Variants in SFMBT1 observed in about 807,000 individuals in gnomAD.
SFMBT1 encodes the protein scm-like with four MBT domains protein 1.
SFMBT1 carries 32 observed loss-of-function variants against 108.7 expected under a neutral mutation model. That is an observed-to-expected ratio of 0.29 (90% CI 0.22 to 0.40). The LOEUF (loss-of-function observed/expected upper bound fraction) is 0.40. Ranked by LOEUF, SFMBT1 falls within the 10% of genes least tolerant of loss-of-function variation. The probability of loss-of-function intolerance (pLI) is 1.00; values close to 1 mark genes in which losing one functional copy is unlikely to be tolerated. For missense variants in SFMBT1, 816 were observed against 1,059.6 expected, an observed-to-expected ratio of 0.77 and a Z score of 3.19; for synonymous variants, 348 against 369.5, an observed-to-expected ratio of 0.94 and a Z score of 0.67.
At chr3:52,938,127 C>A (rs772806918) in intron 4 of SFMBT1, among the ~76,000 whole-genome samples, 18 of 152,196 alleles carry the variant, frequency 1.2e-4, no homozygotes, top group Non-Finnish European at 2.4e-4. Flanking sequence ...TTTCTACTGG[C>A]AGTTGCCTGT....
chr3:52,911,754 G>A (rs1027666434), intron 16 of SFMBT1, among the ~76,000 whole-genome samples: 3 of 152,056 alleles, frequency 2.0e-5, no homozygotes, highest in South Asian at 2.1e-4. Context: ...TGGATGAAGT[G>A]CAGTGGCATG....
intron 3 of SFMBT1, 63 bp from the exon 4 acceptor site, chr3:52,943,656 T>C: frequency 6.2e-7 from 1 of 1,606,222 alleles, no homozygotes; most frequent in Admixed American, 1.7e-5. Flanking sequence ...CTTTGACCAA[T>C]GTTCTTTTTT....
At chr3:52,930,280 C>G (rs1369539094) in intron 8 of SFMBT1, 49 bp downstream of exon 8, 1 of 1,170,512 alleles carries the variant, frequency 8.5e-7, no homozygotes, top group Non-Finnish European at 1.3e-6. Flanking sequence ...ATTTCCTAAA[C>G]CAGTCACCTT....
rs980366116 is a variant in SFMBT1 at position 52,903,898 on chromosome 3, G to A, written c.*1238C>T. ...AAAGAATACTGAGTTGTTTAAATGG[G>A]AATCCTCGGACTAAAGATTATATTC... On this transcript the variant is annotated 3_prime_UTR_variant, in exon 21 of 21. Coordinates refer to ENST00000394752, the MANE Select transcript of SFMBT1 (RefSeq NM_016329.4). The A allele has an allele frequency of 4.6e-5, 7 of 152,192 alleles. No homozygotes were observed. The highest frequency in any genetic ancestry group is 1.0e-4 in the Non-Finnish European group (7 of 68,032). 9.4% of individuals were successfully genotyped at this position (152,192 alleles called of 1,614,324 possible). A position where few individuals can be genotyped will look rare whatever the true frequency, so the allele number is the denominator to read the frequency against.
At chr3:52,997,830 A>AGT (rs1698391877) in intron 1 of SFMBT1, among the ~76,000 whole-genome samples, 1 of 150,610 alleles carries the variant, frequency 6.6e-6, no homozygotes, top group African/African-American at 2.4e-5. Flanking sequence ...TACAATTACT[A>AGT]AAATTCATCA....
At chr3:53,032,490 A>C (rs1699720672) in intron 1 of SFMBT1, among the ~76,000 whole-genome samples, 1 of 152,240 alleles carries the variant, frequency 6.6e-6, no homozygotes, top group Admixed American at 6.5e-5. Context: ...TGTAGGCCAC[A>C]CAAGAAGTTT....
intron 1 of SFMBT1, among the ~76,000 whole-genome samples, chr3:52,995,052 G>A (rs1698274029): frequency 6.8e-6 from 1 of 146,752 alleles, no homozygotes. Context: ...AAAAGGAAAA[G>A]GAAAGAAAAG....
chr3:52,966,279 G>A (rs1346460492), intron 2 of SFMBT1, among the ~76,000 whole-genome samples: 3 of 140,764 alleles, frequency 2.1e-5, no homozygotes, highest in Non-Finnish European at 4.6e-5. Context: ...CCGAGATGGC[G>A]CCACTGCACT....
chr3:52,947,660 G>A (rs1703417797), intron 3 of SFMBT1, among the ~76,000 whole-genome samples: 1 of 151,722 alleles, frequency 6.6e-6, no homozygotes, highest in Admixed American at 6.6e-5. Flanking sequence ...TTGATAAACA[G>A]AAGTTCTTAA....
At chr3:52,967,938 T>C (rs1704201907) in intron 2 of SFMBT1, among the ~76,000 whole-genome samples, 1 of 152,260 alleles carries the variant, frequency 6.6e-6, no homozygotes, top group South Asian at 2.1e-4. Context: ...AAATATGATC[T>C]AGTGATTGTG....
At chr3:52,988,295 T>A (rs149074757) in intron 1 of SFMBT1, among the ~76,000 whole-genome samples, 1 of 152,238 alleles carries the variant, frequency 6.6e-6, no homozygotes, top group African/African-American at 2.4e-5. Context: ...ATTAATTCAC[T>A]GGAATTTTTT....
At chr3:53,010,555 C>T (rs1001216989) in intron 1 of SFMBT1, among the ~76,000 whole-genome samples, 14 of 152,140 alleles carry the variant, frequency 9.2e-5, no homozygotes, top group Non-Finnish European at 1.8e-4. Flanking sequence ...ACACAATATA[C>T]ATGGGGAAAA....
chr3:52,920,386 A>C (rs1419415997), intron 12 of SFMBT1, 151 bp downstream of exon 12: 3 of 687,160 alleles, frequency 4.4e-6, no homozygotes, highest in African/African-American at 1.8e-5. Flanking sequence ...AAGGTATTAA[A>C]TATTTGTTAC....
intron 2 of SFMBT1, among the ~76,000 whole-genome samples, chr3:52,966,486 G>C (rs1461912166): frequency 6.6e-6 from 1 of 151,092 alleles, no homozygotes. Context: ...TTAGCCAAGC[G>C]TGGTGGTGGG....
chr3:52,964,773 C>T (rs1011962715), intron 2 of SFMBT1, among the ~76,000 whole-genome samples: 1 of 152,090 alleles, frequency 6.6e-6, no homozygotes, highest in African/African-American at 2.4e-5. Context: ...AGGTACATGA[C>T]GTCACATCAG....
rs57640588 is a variant in SFMBT1, at chr3:53,040,968, A to ATTTTTTTTTTTTTTTTTTTTTTTTTTTT, written c.-131+4820_-131+4847dup. Among the ~76,000 whole-genome samples the ATTTTTTTTTTTTTTTTTTTTTTTTTTTT allele has an allele frequency of 1.1e-4, 5 of 46,384 alleles. 1 individual carries two copies. Among genetic ancestry groups the ATTTTTTTTTTTTTTTTTTTTTTTTTTTT allele is most frequent in the Non-Finnish European group, 1.6e-4 (4 of 25,170 alleles). 30.4% of individuals were successfully genotyped at this position (46,384 alleles called of 152,430 possible). On this transcript the variant is annotated intron_variant, in intron 1 of 20. Transcript: ENST00000394752. ...TACAGGCATGCACCAAGACACCTGA[A>ATTTTTTTTTTTTTTTTTTTTTTTTTTTT]TTTTTTTTTTTTTTTTTTTTTTTTT...
At chr3:52,934,939 CA>C in intron 4 of SFMBT1, 38 bp from the exon 5 acceptor site, 1 of 1,562,374 alleles carries the variant, frequency 6.4e-7, no homozygotes, top group Non-Finnish European at 8.8e-7. Context: ...CTCAAAATGC[CA>C]GCCACAGAAT....
At chr3:52,984,726 C>CTGTGTGTGTGTGTGTGTGTGTGTG (rs57308874) in intron 1 of SFMBT1, among the ~76,000 whole-genome samples, 6 of 140,198 alleles carry the variant, frequency 4.3e-5, no homozygotes, top group African/African-American at 1.3e-4. Flanking sequence ...ATACTAAATA[C>CTGTGTGTGTGTGTGTGTGTGTGTG]TGTGTGTGTG....
In SFMBT1 at chr3:52,911,091, T is replaced by C. The variant is rs1375978087; in HGVS notation, c.1818A>G (p.Lys606=). ...CGAAGAGGTTAGGACAGCATTCCAGTTTGATACAGGTTTGCCGGCAGAATT... is the reference window on the plus strand; with the variant it reads ...CGAAGAGGTTAGGACAGCATTCCAGCTTGATACAGGTTTGCCGGCAGAATT... ...VTEFCRQTCI[K]LECCPNLFGP... is the part of the protein sequence containing the mutation. Residue 606 remains lysine, a synonymous_variant, in exon 17 of 21, where the codon AAA becomes AAG. Coordinates refer to ENST00000394752, the MANE Select transcript of SFMBT1 (RefSeq NM_016329.4). 6.2e-7 allele frequency: 1 copy of C among 1,614,056 alleles called. No homozygotes were observed. Among genetic ancestry groups the C allele is most frequent in the Non-Finnish European group, 8.5e-7 (1 of 1,180,034 alleles).
Sources: allele counts gnomAD v4.1 joint callset (sites outside exome capture counted in the v4.1 genomes callset), GRCh38; gene constraint gnomAD v4.1.1; transcripts MANE v1.5; gene names NCBI Gene and HGNC (gene_info 2026-07-23, HGNC 2026-07-21).